CACNG4: variants seen among roughly 807,000 people sequenced by gnomAD.
CACNG4 encodes the protein calcium voltage-gated channel auxiliary subunit gamma 4.
Under a neutral mutation model 22.9 loss-of-function variants are expected in CACNG4, and 8 were observed. The observed-to-expected ratio is 0.35, with a 90% CI of 0.21 to 0.63. The LOEUF (loss-of-function observed/expected upper bound fraction) is 0.63. Among genes scored for constraint, CACNG4 ranks in the 30% least tolerant of loss-of-function variants. The probability of loss-of-function intolerance (pLI) is 0.72; values close to 1 mark genes in which losing one functional copy is unlikely to be tolerated. For missense variants in CACNG4, 357 were observed against 455.4 expected, an observed-to-expected ratio of 0.78 and a Z score of 1.97; for synonymous variants, 188 against 191.9, an observed-to-expected ratio of 0.98 and a Z score of 0.17.
rs1251634206 is a variant in CACNG4, at chr17:67,033,335, C to T, written c.*2331C>T. ...CAGTTAAGCACCTGTGACTCCAGTA[C>T]CTACTACTGGTTTTGGGTTGGTTGT... is the stretch of plus-strand genomic sequence containing the variant. On this transcript the variant is annotated 3_prime_UTR_variant, in exon 4 of 4. Transcript: ENST00000262138. 6.7e-6 allele frequency: 1 copy of T among 148,520 alleles called. No individual in the cohort carries two copies. Among genetic ancestry groups the T allele is most frequent in the Non-Finnish European group, 1.5e-5 (1 of 66,974 alleles). The allele number at this position is 148,520 out of a possible 1,614,324, so 9.2% of individuals were successfully genotyped here.
chr17:66,965,062 G>C lies in CACNG4; in HGVS notation c.151G>C (p.Gly51Arg). 2 of 1,587,568 alleles carry C rather than the reference G, an allele frequency of 1.3e-6. No individual in the cohort carries two copies. The highest frequency in any genetic ancestry group is 1.7e-6 in the Non-Finnish European group (2 of 1,167,292). Reference sequence around the variant, plus strand: ...CGGCACCAACCTGACCATGGACGACGGGCCCCCGCCCCGCCGCGCCCGCGG... The same window carrying C: ...CGGCACCAACCTGACCATGGACGACCGGCCCCCGCCCCGCCGCGCCCGCGG... ...CNGTNLTMDD[G>R]PPPRRARGDL... Residue 51 changes from glycine (G) to arginine (R), a missense_variant, in exon 1 of 4, where the codon GGG becomes CGG. Gly to Arg is a moderately radical substitution (Grantham distance 125). This residue lies in a region of CACNG4 where 114 missense variants were observed against 161.6 expected (regional missense o/e 0.71). Transcript: ENST00000262138.
intron 1 of CACNG4, among the ~76,000 whole-genome samples, chr17:66,976,151 A>AGGGCCAGGGTAGAGGC (rs2035234824): frequency 6.6e-6 from 1 of 152,114 alleles, no homozygotes; most frequent in Admixed American, 6.5e-5. Flanking sequence ...AGGGTAGAGG[A>AGGGCCAGGGTAGAGGC]GGACAAGGCA....
chr17:67,013,657 T>C lies in CACNG4; in HGVS notation c.221-4532T>C, dbSNP rs531247087. ...CCATCTCTACCAAAAATACAAAAAT[T>C]AGCCAGGCTTAGTGGCATGCACCTG... On this transcript the variant is annotated intron_variant, in intron 1 of 3. Transcript: ENST00000262138. 8.6e-5 allele frequency among the ~76,000 whole-genome samples: 13 copies of C among 152,042 alleles called. No individual in the cohort carries two copies. In the South Asian group the frequency reaches 2.5e-3, roughly 29 times the overall value.
At chr17:67,013,895 C>T (rs1450222863) in intron 1 of CACNG4, among the ~76,000 whole-genome samples, 1 of 152,160 alleles carries the variant, frequency 6.6e-6, no homozygotes, top group African/African-American at 2.4e-5. Flanking sequence ...CCTGTACCTG[C>T]TCATGAAGGG....
At chr17:66,975,196 A>G (rs1343205260) in intron 1 of CACNG4, among the ~76,000 whole-genome samples, 1 of 152,172 alleles carries the variant, frequency 6.6e-6, no homozygotes, top group Admixed American at 6.5e-5. Flanking sequence ...AGAGCCTGGG[A>G]AAAACCAAAT....
chr17:66,982,174 G>A (rs572720181), intron 1 of CACNG4, among the ~76,000 whole-genome samples: 1 of 152,226 alleles, frequency 6.6e-6, no homozygotes, highest in African/African-American at 2.4e-5. Context: ...CCACGAGTGG[G>A]AGGAGACCCA....
At chr17:66,971,862 G>T (rs949139389) in intron 1 of CACNG4, among the ~76,000 whole-genome samples, 12 of 152,284 alleles carry the variant, frequency 7.9e-5, no homozygotes, top group African/African-American at 2.6e-4. Flanking sequence ...TGAGATCGGT[G>T]CTATTGCAGA....
chr17:66,997,992 TGAGA>T (rs2035385646), intron 1 of CACNG4, among the ~76,000 whole-genome samples: 1 of 151,502 alleles, frequency 6.6e-6, no homozygotes, highest in Non-Finnish European at 1.5e-5. Flanking sequence ...TAGGAGGGCG[TGAGA>T]GAGAAAGGCC....
chr17:66,994,545 C>A (rs915426250), intron 1 of CACNG4, among the ~76,000 whole-genome samples: 3 of 152,168 alleles, frequency 2.0e-5, no homozygotes, highest in Admixed American at 6.5e-5. Context: ...CACCCTGGCC[C>A]CCCAGGGGCC....
intron 1 of CACNG4, among the ~76,000 whole-genome samples, chr17:66,986,757 C>G (rs2035307683): frequency 6.6e-6 from 1 of 152,230 alleles, no homozygotes; most frequent in Non-Finnish European, 1.5e-5. Context: ...TCACCTTCGT[C>G]TCCGCCTTCT....
chr17:67,023,942 G>A (rs2035547733), intron 2 of CACNG4, among the ~76,000 whole-genome samples: 1 of 152,202 alleles, frequency 6.6e-6, no homozygotes, highest in Non-Finnish European at 1.5e-5. Flanking sequence ...ATATTCTAGG[G>A]AGGCTGCAAT....
At chr17:66,978,814 A>G (rs998288463) in intron 1 of CACNG4, among the ~76,000 whole-genome samples, 1 of 151,932 alleles carries the variant, frequency 6.6e-6, no homozygotes, top group Admixed American at 6.6e-5. Flanking sequence ...CTGATATCCA[A>G]CTCCTCTTGC....
chr17:66,981,724 TAG>T (rs1234339536), intron 1 of CACNG4, among the ~76,000 whole-genome samples: 1 of 152,170 alleles, frequency 6.6e-6, no homozygotes, highest in African/African-American at 2.4e-5. Flanking sequence ...CTCCTCTGTT[TAG>T]AGTCCAGAAT....
At chr17:67,009,534 C>T (rs1403150930) in intron 1 of CACNG4, among the ~76,000 whole-genome samples, 4 of 152,178 alleles carry the variant, frequency 2.6e-5, no homozygotes, top group Admixed American at 6.5e-5. Context: ...CCTGAAGTCA[C>T]GCCCTCCCTT....
intron 1 of CACNG4, among the ~76,000 whole-genome samples, chr17:66,974,291 T>C (rs894376187): frequency 6.6e-6 from 1 of 151,824 alleles, no homozygotes; most frequent in East Asian, 1.9e-4. Flanking sequence ...GGGCATACAA[T>C]AAAAGGGGAA....
At chr17:67,004,413 G>A in intron 1 of CACNG4, among the ~76,000 whole-genome samples, 1 of 152,120 alleles carries the variant, frequency 6.6e-6, no homozygotes, top group East Asian at 1.9e-4. Context: ...AACTCGCTGA[G>A]CCAGATGAGA....
chr17:67,025,083 A>G (rs1159853676), intron 3 of CACNG4, 83 bp downstream of exon 3: 12 of 1,353,332 alleles, frequency 8.9e-6, no homozygotes, highest in Non-Finnish European at 1.1e-5. Flanking sequence ...ACTGCCAGGC[A>G]GTGTGCATCC....
rs531062529 is a variant in CACNG4 at position 67,027,789 on chromosome 17, C to G, written c.446-2677C>G. ...ATCCCAGCATTTTGGGAGGCCGAGG[C>G]AGGCGGATCACTGGAGGTCAGGAGT... On this transcript the variant is annotated intron_variant, in intron 3 of 3. Coordinates refer to ENST00000262138, the MANE Select transcript of CACNG4 (RefSeq NM_014405.4). The surrounding 1 kb of genome is among the most constrained non-coding windows in gnomAD (Gnocchi z 4.3). Among the ~76,000 whole-genome samples, 1 of 152,240 alleles carries G rather than the reference C, an allele frequency of 6.6e-6. No homozygotes were observed. The highest frequency in any genetic ancestry group is 2.4e-5 in the African/African-American group (1 of 41,544).
rs145373602 is a variant in CACNG4, at chr17:66,993,630, G to A, written c.221-24559G>A. 1.4e-3 allele frequency among the ~76,000 whole-genome samples: 216 copies of A among 152,206 alleles called. 1 individual carries two copies. Among genetic ancestry groups the A allele is most frequent in the African/African-American group, 4.9e-3 (204 of 41,544 alleles). ...ATGATAGATTCTTTTTTTTGAGATG[G>A]AGTCTTGCTCTGTCACCCAAGCTGG... On this transcript the variant is annotated intron_variant, in intron 1 of 3. Transcript: ENST00000262138.
Sources: gnomAD v4.1 joint callset for allele counts (sites outside exome capture counted in the v4.1 genomes callset) on GRCh38, gnomAD v4.1.1 for gene constraint, gnomAD v4.1.1 regional missense constraint, Gnocchi (gnomAD v3.1) non-coding constraint, MANE v1.5 for transcripts, NCBI Gene and HGNC (gene_info 2026-07-23, HGNC 2026-07-21) for gene names.